The following BAIAP2 variants were observed in gnomAD, a reference collection of about 807,000 sequenced individuals.
BAIAP2 encodes the protein BAR/IMD domain-containing adapter protein 2.
A neutral mutation model predicts 63.0 loss-of-function variants in BAIAP2; 18 were observed. The observed-to-expected ratio is 0.29, with a 90% CI of 0.20 to 0.42. BAIAP2 has a LOEUF of 0.42. Ranked by LOEUF, BAIAP2 falls within the 10% of genes least tolerant of loss-of-function variation. BAIAP2 has a pLI of 1.00. For synonymous variants in BAIAP2, 386 were observed against 307.6 expected (o/e 1.25, Z -2.67); for missense variants, 610 against 734.3 (o/e 0.83, Z 1.96).
At chr17:81,078,719 G>A (rs796921666) in intron 3 of BAIAP2, among the ~76,000 whole-genome samples, 2 of 151,972 alleles carry the variant, frequency 1.3e-5, no homozygotes, top group African/African-American at 2.4e-5. Flanking sequence ...GTGTCATCTC[G>A]GGTGGGAGCT....
intron 10 of BAIAP2, 73 bp from the exon 11 acceptor site, chr17:81,106,005 C>T: frequency 1.5e-6 from 2 of 1,349,692 alleles, no homozygotes; most frequent in South Asian, 2.5e-5. Context: ...GGGACTTGTG[C>T]ATGGATGGTG....
intron 12 of BAIAP2, 65 bp from the exon 13 acceptor site, chr17:81,108,410 G>A: frequency 1.3e-6 from 2 of 1,568,920 alleles, no homozygotes; most frequent in Non-Finnish European, 1.8e-6. Flanking sequence ...GTGTGTACAG[G>A]CAGCGGGTGG....
chr17:81,041,221 G>GTGTCTA, intron 1 of BAIAP2, among the ~76,000 whole-genome samples: 1 of 152,340 alleles, frequency 6.6e-6, no homozygotes, highest in Admixed American at 6.5e-5. Context: ...CAGTCCCCTG[G>GTGTCTA]CCATATGACC....
intron 1 of BAIAP2, among the ~76,000 whole-genome samples, chr17:81,044,454 G>T (rs1054048385): frequency 1.3e-5 from 2 of 152,232 alleles, no homozygotes; most frequent in Admixed American, 6.5e-5. Flanking sequence ...CCTCTTTCTT[G>T]TAAGGCGCTG....
intron 8 of BAIAP2, 64 bp downstream of exon 8, chr17:81,103,787 G>T (rs536348523): frequency 3.2e-6 from 5 of 1,574,780 alleles, no homozygotes; most frequent in East Asian, 2.3e-5. Flanking sequence ...TTGTCAGGGC[G>T]GGGGGCCGCC....
At chr17:81,091,076 TTGTGTG>T (rs2056668677) in intron 6 of BAIAP2, among the ~76,000 whole-genome samples, 1 of 30,482 alleles carries the variant, frequency 3.3e-5, no homozygotes, top group Non-Finnish European at 6.2e-5. Flanking sequence ...CCGCCCCCAC[TTGTGTG>T]CCCCGACTTG....
chr17:81,053,074 A>G (rs1331665082), intron 1 of BAIAP2, among the ~76,000 whole-genome samples: 1 of 152,118 alleles, frequency 6.6e-6, no homozygotes. Flanking sequence ...TCGCAGTGAA[A>G]ATCTAATTTC....
chr17:81,098,045 C>A (rs1598767017), intron 6 of BAIAP2: 5 of 1,176,478 alleles, frequency 4.2e-6, no homozygotes, highest in East Asian at 3.2e-5. Context: ...GTGTCACGCG[C>A]TACCCCAGAC....
At chr17:81,048,959 G>A (rs911948113) in intron 1 of BAIAP2, among the ~76,000 whole-genome samples, 2 of 152,204 alleles carry the variant, frequency 1.3e-5, no homozygotes, top group Non-Finnish European at 2.9e-5. Context: ...CTCGTGGGCC[G>A]GACCGCCTTC....
chr17:81,071,756 C>G lies in BAIAP2; in HGVS notation c.218-13076C>G, dbSNP rs1321517952. On this transcript the variant is annotated intron_variant, in intron 3 of 13. Coordinates refer to ENST00000428708, the MANE Select transcript of BAIAP2 (RefSeq NM_001144888.2). ...GTCGGATGCCTTCTCCGCACCATCCCGCACCGCCACGAGCTGCTGTGGCTC... is the reference window on the plus strand; with the variant it reads ...GTCGGATGCCTTCTCCGCACCATCCGGCACCGCCACGAGCTGCTGTGGCTC... 3.9e-5 allele frequency among the ~76,000 whole-genome samples: 6 copies of G among 152,268 alleles called. No homozygotes were observed. In the East Asian group the frequency reaches 1.2e-3, roughly 29 times the overall value.
chr17:81,101,660 A>G (rs928797544), intron 7 of BAIAP2, among the ~76,000 whole-genome samples: 3 of 152,168 alleles, frequency 2.0e-5, no homozygotes, highest in Non-Finnish European at 4.4e-5. Context: ...CGCACGTGAT[A>G]CAGAACCAGT....
At chr17:81,105,147 CACGGCAGGGGTCTCCCCCCA>C (rs1231472565) in intron 10 of BAIAP2, 200 of 169,320 alleles carry the variant, frequency 1.2e-3, no homozygotes, top group African/African-American at 4.5e-3. Context: ...GGTCTTTCCC[CACGGCAGGGGTCTCCCCCCA>C]ATGGCAGGGG....
chr17:81,086,191 T>C (rs2055604632), intron 5 of BAIAP2, among the ~76,000 whole-genome samples: 1 of 150,248 alleles, frequency 6.7e-6, no homozygotes, highest in Admixed American at 6.6e-5. Context: ...TTTCCAAGTG[T>C]GATTTTCATC....
chr17:81,100,100 C>T lies in BAIAP2; in HGVS notation c.642+20C>T, dbSNP rs767547011. 1.1e-5 allele frequency: 17 copies of T among 1,599,128 alleles called. 1 individual carries two copies. The highest frequency in any genetic ancestry group is 6.7e-5 in the South Asian group (6 of 90,134). ...TCCAAGGTGAGGCGGCTGGGGGCTG[C>T]GCTGTGCCGGCGCTGGGCCTTGCTG... On this transcript the variant is annotated intron_variant, in intron 7 of 13. Coordinates refer to ENST00000428708, the MANE Select transcript of BAIAP2 (RefSeq NM_001144888.2).
chr17:81,114,889 C>A (rs1316731835), intron 13 of BAIAP2, among the ~76,000 whole-genome samples: 1 of 152,218 alleles, frequency 6.6e-6, no homozygotes, highest in Non-Finnish European at 1.5e-5. Flanking sequence ...GATTCTGCTC[C>A]AGGTAATGGC....
rs147210936 is a variant in BAIAP2 at position 81,101,189 on chromosome 17, G to T, written c.642+1109G>T. The stretch of plus-strand genomic sequence containing the variant: ...CATCCCCAGCCTTGTCGTTCCTTGT[G>T]GGGGAATCCCGCCCTGGGATCCGCC... On this transcript the variant is annotated intron_variant, in intron 7 of 13. Coordinates refer to ENST00000428708, the MANE Select transcript of BAIAP2 (RefSeq NM_001144888.2). Among the ~76,000 whole-genome samples the T allele has an allele frequency of 2.7e-3, 414 of 152,236 alleles. 2 individuals carry two copies. Among genetic ancestry groups the T allele is most frequent in the African/African-American group, 8.0e-3 (333 of 41,528 alleles).
chr17:81,057,870 TTCTC>T lies in BAIAP2; in HGVS notation c.131-6_131-3del, dbSNP rs1175871013. On this transcript the variant is annotated splice_polypyrimidine_tract_variant and splice_region_variant and intron_variant, in intron 2 of 13. Coordinates refer to ENST00000428708, the MANE Select transcript of BAIAP2 (RefSeq NM_001144888.2). ...TGGAGGAAATAACTGCTCCCTTTTC[TTCTC>T]TCTCAGGTGTGACGTATGCAGCCAA... 1.9e-6 allele frequency: 3 copies of T among 1,607,486 alleles called. No individual in the cohort carries two copies. The highest frequency in any genetic ancestry group is 2.6e-6 in the Non-Finnish European group (3 of 1,176,358).
chr17:81,080,683 G>A (rs2054463360), intron 3 of BAIAP2, among the ~76,000 whole-genome samples: 1 of 152,216 alleles, frequency 6.6e-6, no homozygotes, highest in African/African-American at 2.4e-5. Context: ...ACACGTGCTT[G>A]TTATCTGGTC....
intron 13 of BAIAP2, chr17:81,109,370 C>G: frequency 2.6e-6 from 1 of 388,270 alleles, no homozygotes; most frequent in Non-Finnish European, 2.9e-6. Flanking sequence ...AAAGAAAAAT[C>G]TTAAAAAAAA....
Sources: gnomAD v4.1 joint callset for allele counts (sites outside exome capture counted in the v4.1 genomes callset) on GRCh38, gnomAD v4.1.1 for gene constraint, MANE v1.5 for transcripts, NCBI Gene and HGNC (gene_info 2026-07-23, HGNC 2026-07-21) for gene names.